ARHGAP24: variants seen among roughly 807,000 people sequenced by gnomAD.
ARHGAP24 encodes the protein Rho GTPase activating protein 24, also known as rho GTPase-activating protein 24.
In ARHGAP24, 50 loss-of-function variants were observed where a neutral mutation model predicts 76.4. The observed-to-expected ratio is 0.65, with a 90% CI of 0.52 to 0.83. ARHGAP24 has a LOEUF of 0.83. Among genes scored for constraint, ARHGAP24 ranks in the 40% least tolerant of loss-of-function variants. ARHGAP24 has a pLI of 0.00. For synonymous variants in ARHGAP24, 345 were observed against 323.3 expected, an observed-to-expected ratio of 1.07 and a Z score of -0.72; for missense variants, 930 against 914.2, an observed-to-expected ratio of 1.02 and a Z score of -0.22.
intron 1 of ARHGAP24, among the ~76,000 whole-genome samples, chr4:85,529,593 G>T (rs76920796): frequency 6.6e-6 from 1 of 151,812 alleles, no homozygotes; most frequent in Admixed American, 6.6e-5. Flanking sequence ...CAAACTGTTG[G>T]GTATTGTAGG....
Position 85,786,330 on chromosome 4 carries a change from C to G in ARHGAP24, c.268+64358C>G, listed in dbSNP as rs72658215. Among the ~76,000 whole-genome samples, 727 of 152,278 alleles carry G rather than the reference C, an allele frequency of 4.8e-3. 6 individuals carry two copies. The highest frequency in any genetic ancestry group is 6.9e-3 in the Non-Finnish European group (468 of 68,026). On this transcript the variant is annotated intron_variant, in intron 3 of 9. Transcript: ENST00000395184. ...ACCTGAGGCTTCTCTTCCTTTCTCT[C>G]TTCATCTTTGGCTGTCAGCAGGAAT...
At chr4:85,499,922 AT>A (rs1344023280) in intron 1 of ARHGAP24, among the ~76,000 whole-genome samples, 1 of 152,174 alleles carries the variant, frequency 6.6e-6, no homozygotes, top group Non-Finnish European at 1.5e-5. Flanking sequence ...AGTTAAGCTT[AT>A]TGGGGGAACA....
At chr4:85,492,232 G>A (rs554269457) in intron 1 of ARHGAP24, among the ~76,000 whole-genome samples, 2 of 151,834 alleles carry the variant, frequency 1.3e-5, no homozygotes, top group Non-Finnish European at 2.9e-5. Context: ...TATTATTACT[G>A]GTCATGGTGT....
intron 1 of ARHGAP24, among the ~76,000 whole-genome samples, chr4:85,533,014 A>G (rs528311058): frequency 6.6e-6 from 1 of 152,320 alleles, no homozygotes; most frequent in South Asian, 2.1e-4. Flanking sequence ...GTCATCTTCA[A>G]GGACATCTTC....
At chr4:85,921,672 C>T (rs556853942) in intron 3 of ARHGAP24, among the ~76,000 whole-genome samples, 6 of 152,138 alleles carry the variant, frequency 3.9e-5, no homozygotes, top group African/African-American at 4.8e-5. Context: ...TTTTCAGATA[C>T]GAGTTGTTTA....
intron 3 of ARHGAP24, among the ~76,000 whole-genome samples, chr4:85,901,543 G>A (rs1026115357): frequency 4.6e-5 from 7 of 152,172 alleles, no homozygotes; most frequent in Non-Finnish European, 1.0e-4. Flanking sequence ...GAAAACTTGA[G>A]TAGGATCAAT....
In ARHGAP24 at chr4:85,796,150, A is replaced by C. The variant is rs538129271; in HGVS notation, c.268+74178A>C. On this transcript the variant is annotated intron_variant, in intron 3 of 9. Transcript: ENST00000395184. ...CGTGATTACTTTTGCACCAACCTAT[A>C]CATTCTTGTATCAGAGTTGTGAAAT... 1.8e-4 allele frequency among the ~76,000 whole-genome samples: 28 copies of C among 152,168 alleles called. 1 individual carries two copies. Among genetic ancestry groups the C allele is most frequent in the African/African-American group, 6.7e-4 (28 of 41,526 alleles).
chr4:85,622,754 A>G (rs982889492), intron 2 of ARHGAP24, among the ~76,000 whole-genome samples: 2 of 152,148 alleles, frequency 1.3e-5, no homozygotes, highest in East Asian at 1.9e-4. Flanking sequence ...CCTCTCCAGC[A>G]CCTATTGTTT....
intron 5 of ARHGAP24, among the ~76,000 whole-genome samples, chr4:85,956,334 G>A (rs1737898030): frequency 6.6e-6 from 1 of 152,202 alleles, no homozygotes; most frequent in South Asian, 2.1e-4. Flanking sequence ...TTAAAGGTAT[G>A]ATGGTGTGAC....
At chr4:85,868,984 T>C (rs150845585) in intron 3 of ARHGAP24, among the ~76,000 whole-genome samples, 1,859 of 152,230 alleles carry the variant, frequency 0.012, 37 homozygotes, top group African/African-American at 0.043. Flanking sequence ...CATATATCTA[T>C]CATACTTGTA....
At chr4:85,987,291 A>G (rs998529846) in intron 8 of ARHGAP24, among the ~76,000 whole-genome samples, 1 of 152,100 alleles carries the variant, frequency 6.6e-6, no homozygotes, top group Admixed American at 6.6e-5. Flanking sequence ...GCTTATTAAC[A>G]TATAATAAAT....
intron 3 of ARHGAP24, among the ~76,000 whole-genome samples, chr4:85,874,621 T>G (rs894873114): frequency 6.6e-6 from 1 of 151,572 alleles, no homozygotes; most frequent in African/African-American, 2.4e-5. Flanking sequence ...CATACTGATA[T>G]CATTCCCCTG....
At chr4:85,901,794 A>G (rs114532140) in intron 3 of ARHGAP24, among the ~76,000 whole-genome samples, 34 of 151,728 alleles carry the variant, frequency 2.2e-4, no homozygotes, top group Middle Eastern at 6.8e-3. Flanking sequence ...TCTGTTGGCA[A>G]TCTATCTGCC....
intron 2 of ARHGAP24, among the ~76,000 whole-genome samples, chr4:85,628,521 C>G (rs1219206741): frequency 1.3e-5 from 2 of 152,158 alleles, no homozygotes; most frequent in Non-Finnish European, 2.9e-5. Flanking sequence ...TTCATTTTAT[C>G]TGTGGCGGTG....
chr4:85,930,387 T>C, intron 4 of ARHGAP24: 1 of 986,618 alleles, frequency 1.0e-6, no homozygotes, highest in Non-Finnish European at 1.2e-6. Flanking sequence ...TGCACTGAAA[T>C]GCTTTCTGGA....
intron 1 of ARHGAP24, among the ~76,000 whole-genome samples, chr4:85,479,801 T>C (rs1475406837): frequency 6.6e-6 from 1 of 152,208 alleles, no homozygotes; most frequent in African/African-American, 2.4e-5. Context: ...AAAATACATA[T>C]GGGCTTATTT....
chr4:85,625,391 T>A (rs1720906099), intron 2 of ARHGAP24, among the ~76,000 whole-genome samples: 1 of 152,160 alleles, frequency 6.6e-6, no homozygotes, highest in South Asian at 2.1e-4. Flanking sequence ...TTTGAGTGAG[T>A]TTCTTAATCC....
At chr4:85,554,357 G>A (rs1424349277) in intron 1 of ARHGAP24, among the ~76,000 whole-genome samples, 2 of 152,136 alleles carry the variant, frequency 1.3e-5, no homozygotes, top group Non-Finnish European at 2.9e-5. Flanking sequence ...CATCTCTAGC[G>A]AGGTTAAGGA....
At chr4:85,693,785 A>G (rs1723762022) in intron 2 of ARHGAP24, among the ~76,000 whole-genome samples, 1 of 152,138 alleles carries the variant, frequency 6.6e-6, no homozygotes, top group South Asian at 2.1e-4. Flanking sequence ...AGCTGGGGCT[A>G]GAGATTCTTA....
Sources: allele counts gnomAD v4.1 joint callset (sites outside exome capture counted in the v4.1 genomes callset), GRCh38; gene constraint gnomAD v4.1.1; transcripts MANE v1.5; gene names NCBI Gene and HGNC (gene_info 2026-07-23, HGNC 2026-07-21).